CEACAM21: variants seen among roughly 807,000 people sequenced by gnomAD.
The protein encoded by CEACAM21 is cell adhesion molecule CEACAM21.
In CEACAM21, 38 loss-of-function variants were observed where a neutral mutation model predicts 33.2. That is an observed-to-expected ratio of 1.14 (90% confidence interval 0.88 to 1.50). The LOEUF (loss-of-function observed/expected upper bound fraction) is 1.50, where lower values mean the gene tolerates loss of function less well. CEACAM21 is among the 40% of genes most tolerant of loss of function. The pLI, the probability that CEACAM21 is intolerant of heterozygous loss-of-function variation, is 0.00. For synonymous variants in CEACAM21, 156 were observed against 143.0 expected, an observed-to-expected ratio of 1.09 and a Z score of -0.65; for missense variants, 385 against 364.6, an observed-to-expected ratio of 1.06 and a Z score of -0.46.
Position 41,585,468 on chromosome 19 carries a change from G to T in CEACAM21, c.823G>T (p.Glu275Ter). Reference protein sequence around the residue: ...GRASDQSDFREQQPPASTPGH... With the variant: ...GRASDQSDFR The stretch of plus-strand genomic sequence containing the variant: ...GGCCAGCGATCAGAGTGACTTCAGG[G>T]AGCAGCAGCCCCCAGCCTCCACCCC... Residue 275 changes from glutamate (E) to a stop codon, truncating the protein, a stop_gained, in exon 5 of 7, where the codon GAG becomes TAG. Coordinates refer to ENST00000401445, the MANE Select transcript of CEACAM21 (RefSeq NM_001098506.4). LOFTEE classifies it high-confidence loss of function. The T allele has an allele frequency of 6.2e-7, 1 of 1,613,766 alleles. No homozygotes were observed. Among genetic ancestry groups the T allele is most frequent in the Non-Finnish European group, 8.5e-7 (1 of 1,179,808 alleles).
At chr19:41,551,649 G>T (rs1462069345) in intron 1 of CEACAM21, 1 of 150,332 alleles carries the variant, frequency 6.7e-6, no homozygotes, top group African/African-American at 2.5e-5. Context: ...TGAACTTGGG[G>T]TTTGAGTCCT....
intron 1 of CEACAM21, among the ~76,000 whole-genome samples, chr19:41,576,992 C>G (rs1301993830): frequency 6.6e-6 from 1 of 152,030 alleles, no homozygotes; most frequent in African/African-American, 2.4e-5. Flanking sequence ...ACCATGCAGA[C>G]CCCTGGGAAA....
intron 5 of CEACAM21, 47 bp downstream of exon 5, chr19:41,585,542 C>A: frequency 6.3e-7 from 1 of 1,597,320 alleles, no homozygotes; most frequent in Non-Finnish European, 8.6e-7. Flanking sequence ...ACTAAGCCAG[C>A]CCCAAGTTGT....
At chr19:41,559,146 C>T (rs891893381) in intron 1 of CEACAM21, among the ~76,000 whole-genome samples, 1 of 152,186 alleles carries the variant, frequency 6.6e-6, no homozygotes, top group African/African-American at 2.4e-5. Flanking sequence ...TTTTAAAGCA[C>T]ACATGGAAAA....
At chr19:41,551,925 C>T (rs1464576580) in intron 1 of CEACAM21, 5 of 152,104 alleles carry the variant, frequency 3.3e-5, no homozygotes, top group African/African-American at 1.2e-4. Flanking sequence ...AGTGTGTTCC[C>T]AGACCAAACT....
intron 1 of CEACAM21, among the ~76,000 whole-genome samples, chr19:41,560,453 C>T (rs1555786584): frequency 6.6e-6 from 1 of 152,150 alleles, no homozygotes; most frequent in East Asian, 1.9e-4. Context: ...AACTCCAAAC[C>T]TCCTGCCCCG....
intron 1 of CEACAM21, among the ~76,000 whole-genome samples, chr19:41,563,603 C>A (rs1330114126): frequency 6.6e-6 from 1 of 152,244 alleles, no homozygotes; most frequent in African/African-American, 2.4e-5. Context: ...TGGAAAATTG[C>A]AAGGACGGAA....
chr19:41,568,109 A>C (rs1445194371), intron 2 of CEACAM21, among the ~76,000 whole-genome samples: 1 of 152,118 alleles, frequency 6.6e-6, no homozygotes, highest in Non-Finnish European at 1.5e-5. Context: ...TCCCAGTCAG[A>C]TAAAACTATA....
In CEACAM21 at chr19:41,554,373, C is replaced by A. The variant is rs115377854; in HGVS notation, c.-779+4821C>A. On this transcript the variant is annotated intron_variant, in intron 1 of 7. Transcript: ENST00000407170. ...GTTTTAGGGTAGTCATAGTCAAAGA[C>A]ACAATTGACAAGGAAATCTGTTACC... is the stretch of plus-strand genomic sequence containing the variant. 4.4e-3 allele frequency among the ~76,000 whole-genome samples: 663 copies of A among 152,050 alleles called. 7 individuals are homozygous for A. Among genetic ancestry groups the A allele is most frequent in the African/African-American group, 0.015 (641 of 41,496 alleles).
At chr19:41,583,611 G>A (rs746400126) in intron 3 of CEACAM21, among the ~76,000 whole-genome samples, 3 of 152,178 alleles carry the variant, frequency 2.0e-5, no homozygotes, top group African/African-American at 4.8e-5. Context: ...AAGGTGAAAG[G>A]CATGTCTTAC....
chr19:41,577,536 C>A lies in CEACAM21; in HGVS notation c.401C>A (p.Ala134Glu), dbSNP rs1555791773. The A allele has an allele frequency of 1.2e-6, 2 of 1,613,932 alleles. No individual in the cohort carries two copies. Among genetic ancestry groups the A allele is most frequent in the Non-Finnish European group, 1.7e-6 (2 of 1,180,006 alleles). The change falls in exon 2 of 7, where the codon GCA (alanine) becomes GAA (glutamate). Residue 134 changes from alanine to glutamate, a missense_variant. By Grantham distance (107) the Ala-to-Glu change is moderately radical. Transcript: ENST00000401445. ...VTYRNSQIEQ[A>E]SHHLRVYESV... ...TACAGAAATTCTCAGATTGAACAGG[C>A]ATCTCACCATCTCCGTGTATACGGT...
upstream of CEACAM21, among the ~76,000 whole-genome samples, chr19:41,571,273 A>G (rs2042596112): frequency 2.0e-5 from 3 of 152,192 alleles, no homozygotes; most frequent in South Asian, 6.2e-4. Context: ...GTAGAAACTT[A>G]TATCTTCAAT....
chr19:41,562,865 A>T (rs2041981271), intron 1 of CEACAM21, among the ~76,000 whole-genome samples: 1 of 152,022 alleles, frequency 6.6e-6, no homozygotes, highest in Non-Finnish European at 1.5e-5. Context: ...AGTAGCTGGG[A>T]CTACAGGCGC....
chr19:41,569,233 A>G (rs2042449576), intron 2 of CEACAM21, among the ~76,000 whole-genome samples: 1 of 150,682 alleles, frequency 6.6e-6, no homozygotes. Flanking sequence ...ATTTTTTGAG[A>G]CAGGGTCTCG....
intron 1 of CEACAM21, among the ~76,000 whole-genome samples, chr19:41,557,829 G>GA (rs2041630164): frequency 6.6e-6 from 1 of 152,174 alleles, no homozygotes; most frequent in African/African-American, 2.4e-5. Flanking sequence ...CTTTGATTTA[G>GA]TTCCTACATT....
chr19:41,582,026 C>T (rs2043433244), intron 3 of CEACAM21, among the ~76,000 whole-genome samples: 1 of 152,196 alleles, frequency 6.6e-6, no homozygotes, highest in Non-Finnish European at 1.5e-5. Flanking sequence ...CACCTATAAG[C>T]CTGTAAAATC....
At chr19:41,575,020 G>A (rs1022791596), upstream of CEACAM21, among the ~76,000 whole-genome samples, 2 of 152,182 alleles carry the variant, frequency 1.3e-5, no homozygotes, top group Non-Finnish European at 1.5e-5. Context: ...TAGGAAAGAA[G>A]CTGTAATATA....
chr19:41,580,749 A>G (rs1171079220), intron 3 of CEACAM21, among the ~76,000 whole-genome samples: 1 of 152,196 alleles, frequency 6.6e-6, no homozygotes, highest in Non-Finnish European at 1.5e-5. Context: ...GGGGTTCATG[A>G]CATAGATATG....
At chr19:41,568,831 C>T (rs533574915) in intron 2 of CEACAM21, among the ~76,000 whole-genome samples, 24 of 152,258 alleles carry the variant, frequency 1.6e-4, no homozygotes, top group East Asian at 5.8e-4. Context: ...TCTACTTCTT[C>T]GAAGAATATC....
Sources: gnomAD v4.1 joint callset for allele counts (sites outside exome capture counted in the v4.1 genomes callset) on GRCh38, gnomAD v4.1.1 for gene constraint, MANE v1.5 for transcripts, NCBI Gene and HGNC (gene_info 2026-07-23, HGNC 2026-07-21) for gene names.